Variants in C10orf90 observed in about 807,000 individuals in gnomAD.
C10orf90 encodes (E2-independent) E3 ubiquitin-conjugating enzyme FATS.
C10orf90 carries 56 observed loss-of-function variants against 62.5 expected under a neutral mutation model. That is an observed-to-expected ratio of 0.90 (90% CI 0.72 to 1.12). C10orf90 has a LOEUF of 1.12. C10orf90 is among the 50% of genes most tolerant of loss of function. The pLI, the probability that C10orf90 is intolerant of heterozygous loss-of-function variation, is 0.00. For synonymous variants in C10orf90, 386 were observed against 340.4 expected, an observed-to-expected ratio of 1.13 and a Z score of -1.47; for missense variants, 970 against 880.4, an observed-to-expected ratio of 1.10 and a Z score of -1.29.
intron 4 of C10orf90, among the ~76,000 whole-genome samples, chr10:126,483,355 T>G (rs1444007217): frequency 1.3e-5 from 2 of 152,242 alleles, no homozygotes; most frequent in African/African-American, 2.4e-5. Flanking sequence ...AGACTCCAAG[T>G]TTTGTGCTTT....
At chr10:126,552,174 G>C (rs564856904) in intron 2 of C10orf90, among the ~76,000 whole-genome samples, 8 of 152,264 alleles carry the variant, frequency 5.3e-5, no homozygotes, top group African/African-American at 1.9e-4. Flanking sequence ...ATTCTTCTTT[G>C]AATGTTAGTT....
At position 126,557,441 on chromosome 10, in the gene C10orf90, C is replaced by T. The variant is rs372010941; in HGVS notation, c.314-43502G>A. Among the ~76,000 whole-genome samples the T allele has an allele frequency of 9.4e-5, 14 of 149,082 alleles. No individual in the cohort carries two copies. In the East Asian group the frequency reaches 9.9e-4, roughly 11 times the overall value. On this transcript the variant is annotated intron_variant, in intron 2 of 9. Transcript: ENST00000488181. ...CTTGCAGTGAGCGGAGATCATGCCA[C>T]TGCACTCCAGCCTGGGCGACAGAGC...
At chr10:126,457,796 C>T (rs1356512964) in intron 7 of C10orf90, among the ~76,000 whole-genome samples, 1 of 152,194 alleles carries the variant, frequency 6.6e-6, no homozygotes, top group South Asian at 2.1e-4. Flanking sequence ...GAAGTCTGTG[C>T]CTGAACCCAG....
In C10orf90 at chr10:126,487,742, G is replaced by A. The variant is rs903564763; in HGVS notation, c.1534+16215C>T. Among the ~76,000 whole-genome samples the A allele has an allele frequency of 7.2e-5, 11 of 152,072 alleles. No homozygotes were observed. In the South Asian group the frequency reaches 1.0e-3, roughly 14 times the overall value. Reference sequence around the variant, plus strand: ...GAAGGTAAAAATTGATAAGATCTGCGTGCACAAGGGAAAGAGAAGCAAAGG... The same window carrying A: ...GAAGGTAAAAATTGATAAGATCTGCATGCACAAGGGAAAGAGAAGCAAAGG... On this transcript the variant is annotated intron_variant, in intron 4 of 9. Transcript: ENST00000488181.
At chr10:126,639,513 A>G (rs1846018079) in intron 2 of C10orf90, among the ~76,000 whole-genome samples, 1 of 152,142 alleles carries the variant, frequency 6.6e-6, no homozygotes, top group Non-Finnish European at 1.5e-5. Context: ...CAGAGGGGGA[A>G]TTCATTGAAA....
chr10:126,494,258 G>A (rs979707904), intron 4 of C10orf90, among the ~76,000 whole-genome samples: 5 of 152,130 alleles, frequency 3.3e-5, no homozygotes, highest in African/African-American at 1.2e-4. Flanking sequence ...AAGTAAAACT[G>A]CATAAATTTC....
chr10:126,611,951 C>T (rs1297550830), intron 2 of C10orf90, among the ~76,000 whole-genome samples: 1 of 152,226 alleles, frequency 6.6e-6, no homozygotes, highest in African/African-American at 2.4e-5. Context: ...GACTATTAAA[C>T]TTTAAATTTA....
At chr10:126,501,389 C>G (rs1335701622) in intron 4 of C10orf90, among the ~76,000 whole-genome samples, 1 of 152,120 alleles carries the variant, frequency 6.6e-6, no homozygotes, top group Non-Finnish European at 1.5e-5. Context: ...AGCACACAGC[C>G]AGGGGTGCAC....
intron 2 of C10orf90, among the ~76,000 whole-genome samples, chr10:126,538,293 C>T (rs1194430593): frequency 2.6e-5 from 4 of 152,182 alleles, no homozygotes; most frequent in African/African-American, 9.7e-5. Context: ...CCTCCCACAA[C>T]ATGTAGGGAT....
intron 7 of C10orf90, among the ~76,000 whole-genome samples, chr10:126,434,548 CT>C (rs1255937502): frequency 6.6e-6 from 1 of 152,196 alleles, no homozygotes; most frequent in African/African-American, 2.4e-5. Flanking sequence ...TTTGCTTCCC[CT>C]ATCTTAGAAA....
intron 1 of C10orf90, among the ~76,000 whole-genome samples, chr10:126,663,642 C>A (rs1156272526): frequency 1.3e-5 from 2 of 152,082 alleles, no homozygotes; most frequent in Non-Finnish European, 2.9e-5. Context: ...TCTGCCCCCA[C>A]CCCCTGCCCT....
chr10:126,547,243 C>T (rs1189405489), intron 2 of C10orf90, among the ~76,000 whole-genome samples: 3 of 151,934 alleles, frequency 2.0e-5, no homozygotes, highest in Non-Finnish European at 4.4e-5. Context: ...CGCGGTGAAA[C>T]CCCATCTCTA....
chr10:126,610,958 A>G (rs1411288355), intron 2 of C10orf90, among the ~76,000 whole-genome samples: 1 of 151,940 alleles, frequency 6.6e-6, no homozygotes, highest in African/African-American at 2.4e-5. Flanking sequence ...TCTTTTATTT[A>G]TGTTTTTTGA....
intron 7 of C10orf90, among the ~76,000 whole-genome samples, chr10:126,437,305 T>G (rs1280222166): frequency 6.6e-6 from 1 of 152,206 alleles, no homozygotes; most frequent in Non-Finnish European, 1.5e-5. Context: ...TGGCTTCCAG[T>G]TACCTTCCAG....
At chr10:126,539,425 C>T (rs1301563591) in intron 2 of C10orf90, among the ~76,000 whole-genome samples, 1 of 152,084 alleles carries the variant, frequency 6.6e-6, no homozygotes. Context: ...TCTGCAGTAG[C>T]GTTTTATGGC....
intron 2 of C10orf90, among the ~76,000 whole-genome samples, chr10:126,639,867 A>C (rs974141932): frequency 4.6e-5 from 7 of 152,186 alleles, no homozygotes; most frequent in African/African-American, 1.4e-4. Flanking sequence ...ATGGAGGGGG[A>C]AACAGTTGCT....
intron 5 of C10orf90, among the ~76,000 whole-genome samples, chr10:126,462,486 G>A (rs185122459): frequency 6.6e-5 from 10 of 152,208 alleles, no homozygotes; most frequent in African/African-American, 2.4e-4. Context: ...CCCAAGGCAC[G>A]ACCCATCCCT....
chr10:126,601,472 T>C (rs1057109384), intron 2 of C10orf90, among the ~76,000 whole-genome samples: 2 of 152,202 alleles, frequency 1.3e-5, no homozygotes, highest in African/African-American at 4.8e-5. Flanking sequence ...AACATTTATT[T>C]TTTTAAAAAG....
chr10:126,442,788 A>G (rs892053942), intron 7 of C10orf90, among the ~76,000 whole-genome samples: 3 of 150,428 alleles, frequency 2.0e-5, no homozygotes, highest in African/African-American at 7.4e-5. Flanking sequence ...TAAATTTAAG[A>G]CAATTGAAAT....
Sources: allele counts gnomAD v4.1 joint callset (sites outside exome capture counted in the v4.1 genomes callset), GRCh38; gene constraint gnomAD v4.1.1; transcripts MANE v1.5; gene names NCBI Gene and HGNC (gene_info 2026-07-23, HGNC 2026-07-21).